Variants in FRMPD3 observed in about 807,000 individuals in gnomAD.
FRMPD3 encodes FERM and PDZ domain-containing protein 3.
In FRMPD3, 42 loss-of-function variants were observed where a neutral mutation model predicts 97.9. The observed-to-expected ratio is 0.43, with a 90% CI of 0.34 to 0.55. FRMPD3 has a LOEUF of 0.55. Ranked by LOEUF, FRMPD3 falls within the 20% of genes least tolerant of loss-of-function variation. The pLI is 0.03. For synonymous variants in FRMPD3, 577 were observed against 581.1 expected, an observed-to-expected ratio of 0.99 and a Z score of 0.10; for missense variants, 1,303 against 1,457.7, an observed-to-expected ratio of 0.89 and a Z score of 1.73.
chrX:107,495,740 G>A (rs1027852420), intron 1 of FRMPD3, among the ~76,000 whole-genome samples: 5 of 112,043 alleles, frequency 4.5e-5, no homozygotes, highest in Non-Finnish European at 9.4e-5. Flanking sequence ...CCAAAGCCAC[G>A]GACCCATAAT....
rs1288887788 is a variant in FRMPD3, at chrX:107,604,553, C to G, written c.*1180C>G. 9.2e-6 allele frequency: 1 copy of G among 109,251 alleles called. No homozygotes were observed. The highest frequency in any genetic ancestry group is 1.9e-5 in the Non-Finnish European group (1 of 52,465). 9.0% of individuals were successfully genotyped at this position (109,251 alleles called of 1,213,427 possible). ...CCTATTGCCACCACCGCTGCCACCA[C>G]CACCGCCACCACCGCTGCCAACCCT... On this transcript the variant is annotated 3_prime_UTR_variant, in exon 15 of 15. Transcript: ENST00000683843.
intron 1 of FRMPD3, among the ~76,000 whole-genome samples, chrX:107,506,722 A>G (rs1166380118): frequency 6.3e-5 from 7 of 111,636 alleles, no homozygotes; most frequent in Non-Finnish European, 1.3e-4. Context: ...CGGCGGCCGG[A>G]TTGCGGGTGG....
intron 13 of FRMPD3, among the ~76,000 whole-genome samples, chrX:107,585,533 A>G (rs1459148367): frequency 2.7e-5 from 3 of 111,747 alleles, no homozygotes; most frequent in Non-Finnish European, 5.6e-5. Context: ...TTCAAAGGGA[A>G]TGCTTCCAGC....
chrX:107,519,046 T>C (rs1922429033), intron 1 of FRMPD3, among the ~76,000 whole-genome samples: 1 of 111,856 alleles, frequency 8.9e-6, no homozygotes, highest in African/African-American at 3.3e-5. Context: ...GAAAGTAGAA[T>C]TGTGGCTTCC....
chrX:107,512,893 A>G (rs1181566575), intron 1 of FRMPD3: 1 of 112,878 alleles, frequency 8.9e-6, no homozygotes, highest in African/African-American at 3.2e-5. Flanking sequence ...ACAGTGCCAT[A>G]TGGCAGCAGC....
At position 107,602,158 on chromosome X, in the gene FRMPD3, G is replaced by T. The variant is rs748557071; in HGVS notation, c.4119G>T (p.Leu1373=). The change falls in exon 15 of 15, where the codon CTG becomes CTT. Residue 1373 remains leucine, a synonymous_variant. Transcript: ENST00000683843. ...RSDPESGVSC[L]TTCASGGECL... ...ACCCTGAGAGTGGTGTTTCGTGCCT[G>T]ACCACGTGTGCCTCGGGGGGCGAGT... 12 of 1,211,112 alleles carry T rather than the reference G, an allele frequency of 9.9e-6. No individual in the cohort carries two copies. The Admixed American group carries it at 2.6e-4, about 26-fold the overall frequency.
At chrX:107,568,930 G>GGA (rs1310429776) in intron 12 of FRMPD3, among the ~76,000 whole-genome samples, 96 of 85,810 alleles carry the variant, frequency 1.1e-3, no homozygotes, top group African/African-American at 3.5e-3. Context: ...AGAGAGAGAG[G>GGA]GAGAGAGAGA....
chrX:107,588,733 C>G lies in FRMPD3; in HGVS notation c.1442-8588C>G, dbSNP rs1378977809. Among the ~76,000 whole-genome samples the G allele has an allele frequency of 2.7e-5, 3 of 112,100 alleles. No individual in the cohort carries two copies. In the East Asian group the frequency reaches 8.4e-4, roughly 31 times the overall value. ...TACTCCAATCAATTGTAGGTTTGGT[C>G]TTTTTACAGAGTCCCATATTTCTTG... On this transcript the variant is annotated intron_variant, in intron 13 of 14. Transcript: ENST00000683843.
At chrX:107,477,572 A>T (rs1401488324) in intron 1 of FRMPD3, among the ~76,000 whole-genome samples, 2 of 112,968 alleles carry the variant, frequency 1.8e-5, no homozygotes, top group Non-Finnish European at 3.7e-5. Context: ...TCCCACTCGC[A>T]CAGCATTTAA....
intron 13 of FRMPD3, among the ~76,000 whole-genome samples, chrX:107,581,258 G>A (rs760251761): frequency 1.2e-4 from 13 of 110,160 alleles, no homozygotes; most frequent in African/African-American, 3.3e-4. Flanking sequence ...ACAGGTGGCC[G>A]CCACCATGCC....
At chrX:107,537,382 A>G (rs1407406211) in intron 4 of FRMPD3, among the ~76,000 whole-genome samples, 2 of 111,867 alleles carry the variant, frequency 1.8e-5, no homozygotes, top group South Asian at 3.7e-4. Flanking sequence ...TGCACAGGAC[A>G]AACATAGTCC....
Position 107,603,247 on chromosome X carries a change from A to ACAGCAG in FRMPD3, c.5224_5229dup (p.Gln1742_Gln1743dup), listed in dbSNP as rs762632019. 27 of 1,123,290 alleles carry ACAGCAG rather than the reference A, an allele frequency of 2.4e-5. No individual in the cohort carries two copies. The highest frequency in any genetic ancestry group is 1.1e-4 in the Admixed American group (4 of 35,271). The allele number at this position is 1,123,290 out of a possible 1,213,427, so 92.6% of individuals were successfully genotyped here. On this transcript the variant is annotated inframe_insertion, in exon 15 of 15. Transcript: ENST00000683843. The stretch of plus-strand genomic sequence containing the variant: ...AACAACAACAGCAGCAGCAACAACA[A>ACAGCAG]CAGCAGCAGCAGCAGCAGCAGGTGG...
At chrX:107,453,824 C>G (rs1460837387) in intron 1 of FRMPD3, among the ~76,000 whole-genome samples, 1 of 112,039 alleles carries the variant, frequency 8.9e-6, no homozygotes, top group Non-Finnish European at 1.9e-5. Flanking sequence ...ATCCTTAAAA[C>G]AGAACATTAA....
At chrX:107,592,793 C>CTTTTTTTT (rs35096358) in intron 13 of FRMPD3, among the ~76,000 whole-genome samples, 1 of 71,367 alleles carries the variant, frequency 1.4e-5, no homozygotes. Flanking sequence ...TATGACCATT[C>CTTTTTTTT]TTTTTTTTTT....
At chrX:107,467,984 A>G (rs1160635604) in intron 1 of FRMPD3, among the ~76,000 whole-genome samples, 1 of 110,157 alleles carries the variant, frequency 9.1e-6, no homozygotes, top group African/African-American at 3.3e-5. Context: ...CACTACAAAG[A>G]CTCTTCCCAT....
At chrX:107,585,836 C>T (rs1303144992) in intron 13 of FRMPD3, among the ~76,000 whole-genome samples, 2 of 111,968 alleles carry the variant, frequency 1.8e-5, no homozygotes, top group African/African-American at 3.2e-5. Context: ...CTGCTGGATT[C>T]GGTTTGCCAG....
At chrX:107,531,960 G>A (rs185220046) in intron 3 of FRMPD3, among the ~76,000 whole-genome samples, 1 of 111,940 alleles carries the variant, frequency 8.9e-6, no homozygotes, top group African/African-American at 3.2e-5. Flanking sequence ...CATTCAGTCA[G>A]TCAGTCAATC....
At chrX:107,507,085 TCGGCAGTCGAGCGCTAGGGTCCTTAC>T (rs1922050526) in intron 1 of FRMPD3, among the ~76,000 whole-genome samples, 1 of 105,753 alleles carries the variant, frequency 9.5e-6, no homozygotes, top group South Asian at 4.3e-4. Context: ...GGTTAGGGGG[TCGGCAGTCGAGCGCTAGGGTCCTTAC>T]CGGCCCCTCA....
rs762123256 is a variant in FRMPD3 at position 107,603,169 on chromosome X, C to T, written c.5130C>T (p.Ser1710=). The change falls in exon 15 of 15, where the codon TCC becomes TCT. Residue 1710 remains serine, a synonymous_variant. Coordinates refer to ENST00000683843, the MANE Select transcript of FRMPD3 (RefSeq NM_001388459.1). ...YTFLLRAAEE[S]TARNLNQQQQ... ...TCCTGCTGCGTGCAGCTGAGGAGTC[C>T]ACAGCCCGTAACCTTAACCAGCAGC... 9.1e-7 allele frequency: 1 copy of T among 1,095,607 alleles called. No individual in the cohort carries two copies. Among genetic ancestry groups the T allele is most frequent in the Non-Finnish European group, 1.2e-6 (1 of 835,449 alleles). 90.3% of individuals were successfully genotyped at this position (1,095,607 alleles called of 1,213,427 possible).
Sources: gnomAD v4.1 joint callset for allele counts (sites outside exome capture counted in the v4.1 genomes callset) on GRCh38, gnomAD v4.1.1 for gene constraint, MANE v1.5 for transcripts, NCBI Gene and HGNC (gene_info 2026-07-23, HGNC 2026-07-21) for gene names.